The following KIAA1549 variants were observed in gnomAD, a reference collection of about 807,000 sequenced individuals.
The protein encoded by KIAA1549 is KIAA1549.
Under a neutral mutation model 156.4 loss-of-function variants are expected in KIAA1549, and 70 were observed. That is an observed-to-expected ratio of 0.45 (90% CI 0.37 to 0.55). The LOEUF is 0.55. Ranked by LOEUF, KIAA1549 falls within the 20% of genes least tolerant of loss-of-function variation. The pLI is 0.00. For synonymous variants in KIAA1549, 1,103 were observed against 1,066.4 expected (o/e 1.03, Z -0.67); for missense variants, 2,428 against 2,540.9 (o/e 0.96, Z 0.96).
At chr7:138,908,933 G>C in intron 5 of KIAA1549, 58 bp downstream of exon 5, 1 of 1,597,736 alleles carries the variant, frequency 6.3e-7, no homozygotes, top group South Asian at 1.1e-5. Context: ...AAACAATGTG[G>C]AACAATTTCC....
chr7:138,932,512 C>A (rs891996653), intron 1 of KIAA1549, among the ~76,000 whole-genome samples: 8 of 152,188 alleles, frequency 5.3e-5, no homozygotes, highest in African/African-American at 1.9e-4. Context: ...CAGTGAGAAG[C>A]CACTGAAGAA....
intron 18 of KIAA1549, among the ~76,000 whole-genome samples, chr7:138,840,670 GCAGCCCTA>G (rs1315622346): frequency 6.6e-6 from 1 of 152,132 alleles, no homozygotes; most frequent in Non-Finnish European, 1.5e-5. Flanking sequence ...CCAGGGCTGT[GCAGCCCTA>G]CTTGCTCAGA....
intron 3 of KIAA1549, 105 bp downstream of exon 3, chr7:138,912,267 T>G: frequency 2.5e-6 from 2 of 798,482 alleles, no homozygotes; most frequent in Non-Finnish European, 4.3e-6. Flanking sequence ...AGGGAAGAGA[T>G]GAAATAGAAT....
At chr7:138,882,872 C>G (rs1159411676) in intron 10 of KIAA1549, among the ~76,000 whole-genome samples, 1 of 151,956 alleles carries the variant, frequency 6.6e-6, no homozygotes, top group African/African-American at 2.4e-5. Flanking sequence ...CACCCCACAC[C>G]AAACCCATGA....
chr7:138,864,120 G>C (rs1810667539), intron 15 of KIAA1549, among the ~76,000 whole-genome samples: 1 of 152,210 alleles, frequency 6.6e-6, no homozygotes, highest in African/African-American at 2.4e-5. Context: ...AAACAGAAGC[G>C]ATGTTCCTGG....
chr7:138,871,936 G>GA (rs1357200966), intron 12 of KIAA1549, among the ~76,000 whole-genome samples: 2 of 152,142 alleles, frequency 1.3e-5, no homozygotes, highest in Non-Finnish European at 2.9e-5. Context: ...CACATGAGAA[G>GA]AAAAAACCTG....
In KIAA1549 at chr7:138,861,361, T is replaced by C. The variant is rs759653132; in HGVS notation, c.5025A>G (p.Pro1675=). The change falls in exon 16 of 20, where the codon CCA becomes CCG. Residue 1675 remains proline (P), a synonymous_variant. Transcript: ENST00000422774. Reference sequence around the variant, plus strand: ...GTGCCTCCTCGATGGACGGCTGGGGTGGGATGTACTGGGAGGCCGGGAAGG... The same window carrying C: ...GTGCCTCCTCGATGGACGGCTGGGGCGGGATGTACTGGGAGGCCGGGAAGG... ...ALPFPASQYI[P]PQPSIEEARQ... The C allele has an allele frequency of 6.2e-7, 1 of 1,608,942 alleles. No individual in the cohort carries two copies. The highest frequency in any genetic ancestry group is 2.2e-5 in the East Asian group (1 of 44,752).
chr7:138,895,477 C>T (rs778383617), intron 9 of KIAA1549, among the ~76,000 whole-genome samples: 13 of 152,118 alleles, frequency 8.5e-5, no homozygotes, highest in Non-Finnish European at 1.0e-4. Context: ...ATACATGCTG[C>T]TGCACAGATG....
chr7:138,850,405 G>T (rs1810203521), intron 17 of KIAA1549, among the ~76,000 whole-genome samples: 1 of 152,146 alleles, frequency 6.6e-6, no homozygotes, highest in African/African-American at 2.4e-5. Context: ...GTATGAGATG[G>T]TATCTCATTG....
intron 1 of KIAA1549, among the ~76,000 whole-genome samples, chr7:138,969,288 A>G (rs947868447): frequency 6.6e-6 from 1 of 152,028 alleles, no homozygotes; most frequent in African/African-American, 2.4e-5. Flanking sequence ...AAAACTTTCC[A>G]TTCCCCCCTC....
intron 12 of KIAA1549, among the ~76,000 whole-genome samples, chr7:138,873,706 C>A (rs1810999683): frequency 6.6e-6 from 1 of 151,854 alleles, no homozygotes; most frequent in Non-Finnish European, 1.5e-5. Context: ...CCCGGCTCAC[C>A]CCCTCCCACT....
chr7:138,917,803 C>T lies in KIAA1549; in HGVS notation c.1823G>A (p.Arg608His), dbSNP rs370628698. Residue 608 changes from arginine to histidine, a missense_variant, in exon 2 of 20, where the codon CGT (arginine) becomes CAT (histidine). By Grantham distance (29) the Arg-to-His change is conservative. This residue lies in a region of KIAA1549 where 893 missense variants were observed against 847.9 expected (regional missense o/e 1.05). Coordinates refer to ENST00000422774, the MANE Select transcript of KIAA1549 (RefSeq NM_001164665.2). ...VESSLFSDQE[R>H]SSFSEHKPRG... The stretch of plus-strand genomic sequence containing the variant: ...GGGTTTATGCTCAGAAAAACTGGAA[C>T]GTTCTTGGTCAGAGAAAAGTGAAGA... 3.4e-5 allele frequency: 54 copies of T among 1,587,124 alleles called. No homozygotes were observed. The highest frequency in any genetic ancestry group is 3.3e-4 in the Middle Eastern group (2 of 6,054).
intron 5 of KIAA1549, 130 bp from the exon 6 acceptor site, chr7:138,907,232 T>G (rs924700365): frequency 1.0e-5 from 7 of 701,942 alleles, no homozygotes; most frequent in African/African-American, 3.6e-5. Context: ...GAAACGTAAC[T>G]GGCTTTCTAA....
intron 1 of KIAA1549, among the ~76,000 whole-genome samples, chr7:138,932,963 G>A (rs549069775): frequency 6.6e-6 from 1 of 152,342 alleles, no homozygotes; most frequent in South Asian, 2.1e-4. Context: ...AGGGAGACAT[G>A]GGAAAACCAG....
At position 138,899,038 on chromosome 7, in the gene KIAA1549, T is replaced by C. The variant is rs775241970; in HGVS notation, c.3764A>G (p.Lys1255Arg). 4 of 1,613,782 alleles carry C rather than the reference T, an allele frequency of 2.5e-6. No homozygotes were observed. Among genetic ancestry groups the C allele is most frequent in the East Asian group, 2.2e-5 (1 of 44,880 alleles). Residue 1255 changes from lysine (K) to arginine (R), a missense_variant, in exon 9 of 20, where the codon AAG becomes AGG. Physicochemically the swap from Lys to Arg is conservative, Grantham distance 26. Around this residue, in one of 5 missense-constraint regions of KIAA1549, gnomAD observed 762 missense variants for 901.6 expected, o/e 0.85. Transcript: ENST00000422774. ...CATTTTGTTAATCAGGTCCGAAGAC[T>C]TGACTGCACTGAGTCTTTCTCCATC... ...DQDGERLSAV[K>R]SSDLINKMDL...
intron 14 of KIAA1549, 55 bp from the exon 15 acceptor site, chr7:138,868,183 C>G (rs1810810864): frequency 1.3e-6 from 2 of 1,548,268 alleles, no homozygotes; most frequent in Admixed American, 3.7e-5. Context: ...TTGCCACTGA[C>G]TTACCAACTA....
At chr7:138,859,335 T>G (rs1422261289) in intron 16 of KIAA1549, among the ~76,000 whole-genome samples, 1 of 152,092 alleles carries the variant, frequency 6.6e-6, no homozygotes, top group Non-Finnish European at 1.5e-5. Flanking sequence ...TGTTGGGGGG[T>G]TATGGCTTCA....
intron 1 of KIAA1549, among the ~76,000 whole-genome samples, chr7:138,920,206 G>T (rs113974519): frequency 4.0e-5 from 3 of 75,352 alleles, no homozygotes; most frequent in East Asian, 2.8e-4. Flanking sequence ...TCTCACCCCC[G>T]CCTGGAATGC....
chr7:138,943,074 C>T (rs1318140805), intron 1 of KIAA1549, among the ~76,000 whole-genome samples: 4 of 152,202 alleles, frequency 2.6e-5, no homozygotes, highest in Non-Finnish European at 5.9e-5. Flanking sequence ...GACAGTCTGC[C>T]CTCCACCGCG....
Sources: allele counts gnomAD v4.1 joint callset (sites outside exome capture counted in the v4.1 genomes callset), GRCh38; gene constraint gnomAD v4.1.1; regional missense constraint gnomAD v4.1.1; transcripts MANE v1.5; gene names NCBI Gene and HGNC (gene_info 2026-07-23, HGNC 2026-07-21).